AR: variants seen among roughly 807,000 people sequenced by gnomAD.
The protein encoded by AR is androgen receptor.
A neutral mutation model predicts 53.9 loss-of-function variants in AR; 8 were observed. The observed-to-expected ratio is 0.15, with a 90% CI of 0.09 to 0.27. The LOEUF (loss-of-function observed/expected upper bound fraction) is 0.27, where lower values mean the gene tolerates loss of function less well. AR is among the 10% of genes least tolerant of loss of function. The pLI is 1.00. For missense variants in AR, 639 were observed against 742.5 expected (o/e 0.86, Z 1.62); for synonymous variants, 359 against 316.4 (o/e 1.13, Z -1.43).
chrX:67,596,253 T>G (rs765408319), intron 1 of AR, among the ~76,000 whole-genome samples: 6 of 110,169 alleles, frequency 5.4e-5, no homozygotes, highest in Non-Finnish European at 1.1e-4. Flanking sequence ...TTTTTTTTTT[T>G]TATAAATTAC....
chrX:67,710,103 TAG>T (rs200808225), intron 3 of AR, among the ~76,000 whole-genome samples: 14 of 107,389 alleles, frequency 1.3e-4, no homozygotes, highest in South Asian at 4.0e-4. Context: ...TGTGTGTGTT[TAG>T]AGAGAGAGAG....
At chrX:67,705,791 A>C (rs1184679500) in intron 3 of AR, among the ~76,000 whole-genome samples, 12 of 111,370 alleles carry the variant, frequency 1.1e-4, no homozygotes, top group Non-Finnish European at 2.1e-4. Flanking sequence ...TTTGTCATAA[A>C]TAGCTCTTAT....
chrX:67,605,309 A>C (rs1602186710), intron 1 of AR, among the ~76,000 whole-genome samples: 1 of 112,518 alleles, frequency 8.9e-6, no homozygotes, highest in African/African-American at 3.2e-5. Context: ...GTCCAAAAAT[A>C]ATTAAGAAAG....
At chrX:67,720,879 TAC>T (rs113739371) in intron 5 of AR, among the ~76,000 whole-genome samples, 8,361 of 100,006 alleles carry the variant, frequency 0.084, 586 homozygotes, top group African/African-American at 0.22. Context: ...ATTTCTGTCT[TAC>T]ACACACACAC....
rs1403179818 is a variant in AR, at chrX:67,590,291, A to C, written c.1616+43529A>C. ...TTAGATCTCAGAGTGAAAGCCTTGA[A>C]TTATCACATATATCACTGGAAAAGA... On this transcript the variant is annotated intron_variant, in intron 1 of 7. Transcript: ENST00000374690. Among the ~76,000 whole-genome samples the C allele has an allele frequency of 2.7e-5, 3 of 111,584 alleles. No homozygotes were observed. The Admixed American group carries it at 2.8e-4, about 11-fold the overall frequency.
At chrX:67,643,231 G>T in intron 1 of AR, 25 bp from the exon 2 acceptor site, 6 of 1,210,920 alleles carry the variant, frequency 5.0e-6, no homozygotes, top group Non-Finnish European at 6.7e-6. Flanking sequence ...GACATGTGTT[G>T]CATTGGTTTT....
chrX:67,592,651 T>G (rs763292143), intron 1 of AR, among the ~76,000 whole-genome samples: 2 of 108,692 alleles, frequency 1.8e-5, no homozygotes, highest in African/African-American at 6.6e-5. Flanking sequence ...AAAAAAAACT[T>G]TTTTTTTTTT....
Position 67,726,367 on chromosome X carries a change from C to A in AR, c.*2526C>A, listed in dbSNP as rs2076157554. 1.2e-5 allele frequency: 2 copies of A among 173,167 alleles called. No homozygotes were observed. The highest frequency in any genetic ancestry group is 2.2e-5 in the Non-Finnish European group (2 of 90,856). 14.3% of individuals were successfully genotyped at this position (173,167 alleles called of 1,213,427 possible). A position where few individuals can be genotyped will look rare whatever the true frequency, so the allele number is the denominator to read the frequency against. Reference sequence around the variant, plus strand: ...TACACTAGGTTACATTTTAATAGGTCCTTTACATCTGTTTTGGAATGATTT... The same window carrying A: ...TACACTAGGTTACATTTTAATAGGTACTTTACATCTGTTTTGGAATGATTT... On this transcript the variant is annotated 3_prime_UTR_variant, in exon 8 of 8. Coordinates refer to ENST00000374690, the MANE Select transcript of AR (RefSeq NM_000044.6).
intron 2 of AR, among the ~76,000 whole-genome samples, chrX:67,664,458 G>T (rs191150387): frequency 4.5e-5 from 5 of 111,838 alleles, no homozygotes; most frequent in Non-Finnish European, 9.4e-5. Flanking sequence ...AATGTTGCTG[G>T]TTGATCATTC....
chrX:67,701,806 T>C (rs2076043683), intron 3 of AR, among the ~76,000 whole-genome samples: 1 of 112,388 alleles, frequency 8.9e-6, no homozygotes, highest in Admixed American at 9.4e-5. Flanking sequence ...CTTCCTGTTT[T>C]GTCATGCTGA....
At chrX:67,613,586 C>A in intron 1 of AR, among the ~76,000 whole-genome samples, 1 of 111,259 alleles carries the variant, frequency 9.0e-6, no homozygotes. Context: ...GAAAGTTATG[C>A]ATGTGTGCTT....
At chrX:67,597,236 T>C (rs1488835204) in intron 1 of AR, among the ~76,000 whole-genome samples, 11 of 112,005 alleles carry the variant, frequency 9.8e-5, no homozygotes, top group African/African-American at 3.2e-4. Flanking sequence ...TACACAATCC[T>C]GAAATGAATG....
intron 1 of AR, among the ~76,000 whole-genome samples, chrX:67,564,086 G>A (rs779037782): frequency 4.5e-5 from 5 of 111,619 alleles, no homozygotes; most frequent in Non-Finnish European, 7.5e-5. Context: ...AGTCACAGCA[G>A]TACTGAATTT....
intron 1 of AR, among the ~76,000 whole-genome samples, chrX:67,548,380 T>C (rs1281386213): frequency 1.8e-5 from 2 of 112,156 alleles, no homozygotes; most frequent in Non-Finnish European, 3.8e-5. Flanking sequence ...TTTAGACTCT[T>C]CATTTTTGTA....
chrX:67,688,393 A>G (rs1036044144), intron 3 of AR, among the ~76,000 whole-genome samples: 3 of 111,871 alleles, frequency 2.7e-5, no homozygotes, highest in Non-Finnish European at 5.6e-5. Flanking sequence ...TGAGTATCAG[A>G]TGACATGATG....
chrX:67,600,656 G>T (rs1435521980), intron 1 of AR, among the ~76,000 whole-genome samples: 1 of 111,272 alleles, frequency 9.0e-6, no homozygotes, highest in African/African-American at 3.3e-5. Context: ...GGTGACTATA[G>T]TTAATAATAA....
At chrX:67,690,883 AT>A (rs1480420743) in intron 3 of AR, among the ~76,000 whole-genome samples, 1 of 111,836 alleles carries the variant, frequency 8.9e-6, no homozygotes, top group Non-Finnish European at 1.9e-5. Context: ...AACAAAATGC[AT>A]TGAGGGTTTG....
In AR at chrX:67,546,599, C is replaced by A; in HGVS notation, c.1453C>A (p.Arg485=). Residue 485 remains arginine (R), a synonymous_variant, in exon 1 of 8, where the codon CGG becomes AGG. Transcript: ENST00000374690. ...AGCTGTAGCCCCCTACGGCTACACTCGGCCCCCTCAGGGGCTGGCGGGCCA... is the reference window on the plus strand; with the variant it reads ...AGCTGTAGCCCCCTACGGCTACACTAGGCCCCCTCAGGGGCTGGCGGGCCA... ...AGAVAPYGYT[R]PPQGLAGQES... 8.5e-7 allele frequency: 1 copy of A among 1,179,188 alleles called. No individual in the cohort carries two copies. Among genetic ancestry groups the A allele is most frequent in the Non-Finnish European group, 1.1e-6 (1 of 879,248 alleles).
At chrX:67,597,256 G>A (rs1417984298) in intron 1 of AR, among the ~76,000 whole-genome samples, 7 of 111,679 alleles carry the variant, frequency 6.3e-5, no homozygotes, top group East Asian at 2.8e-4. Flanking sequence ...GGGTGTGGCC[G>A]TGTTCCAGTA....
Sources: gnomAD v4.1 joint callset for allele counts (sites outside exome capture counted in the v4.1 genomes callset) on GRCh38, gnomAD v4.1.1 for gene constraint, MANE v1.5 for transcripts, NCBI Gene and HGNC (gene_info 2026-07-23, HGNC 2026-07-21) for gene names.